KIAA1958: variants seen among roughly 807,000 people sequenced by gnomAD.
KIAA1958 encodes KIAA1958.
KIAA1958 carries 14 observed loss-of-function variants against 47.2 expected under a neutral mutation model. The ratio of observed to expected loss-of-function variants is 0.30; its 90% CI spans 0.20 to 0.46. KIAA1958 has a LOEUF of 0.46. KIAA1958 is among the 20% of genes least tolerant of loss of function. The probability of loss-of-function intolerance (pLI) is 1.00; values close to 1 mark genes in which losing one functional copy is unlikely to be tolerated. For missense variants in KIAA1958, 803 were observed against 909.2 expected (o/e 0.88, Z 1.50); for synonymous variants, 354 against 353.3 (o/e 1.00, Z -0.02).
intron 2 of KIAA1958, chr9:112,617,945 C>T (rs1225430460): frequency 2.6e-6 from 4 of 1,550,556 alleles, no homozygotes; most frequent in Admixed American, 2.0e-5. Context: ...GACCGCGCTC[C>T]GCAATTTCCG....
chr9:112,592,582 G>A (rs144898864), intron 2 of KIAA1958, among the ~76,000 whole-genome samples: 4 of 152,310 alleles, frequency 2.6e-5, no homozygotes, highest in African/African-American at 4.8e-5. Flanking sequence ...TGCCTGATAC[G>A]TAGTCAGTGA....
chr9:112,554,299 A>C (rs1835205005), intron 1 of KIAA1958, among the ~76,000 whole-genome samples: 1 of 152,082 alleles, frequency 6.6e-6, no homozygotes, highest in Admixed American at 6.5e-5. Context: ...GGAGTTTGAG[A>C]CCAGCCTGAC....
chr9:112,517,018 CAG>C lies in KIAA1958; in HGVS notation c.-25+29901_-25+29902del, dbSNP rs758552499. On this transcript the variant is annotated intron_variant, in intron 1 of 3. Transcript: ENST00000337530. ...TGGTTGCCTTTGATTGGCTGAAACT[CAG>C]TGATTGGTATAAGAGTGTGTTACAG... is the stretch of plus-strand genomic sequence containing the variant. Among the ~76,000 whole-genome samples the C allele has an allele frequency of 1.6e-4, 25 of 152,292 alleles. No individual in the cohort carries two copies. In the East Asian group the frequency reaches 4.8e-3, roughly 29 times the overall value.
chr9:112,535,944 A>G (rs1218719267), intron 1 of KIAA1958, among the ~76,000 whole-genome samples: 2 of 152,068 alleles, frequency 1.3e-5, no homozygotes, highest in African/African-American at 4.8e-5. Flanking sequence ...CTTTTTCTTC[A>G]TGGCTCTGGT....
intron 1 of KIAA1958, among the ~76,000 whole-genome samples, chr9:112,551,343 C>T (rs1835146441): frequency 6.6e-6 from 1 of 152,158 alleles, no homozygotes; most frequent in Non-Finnish European, 1.5e-5. Context: ...GCCCCAGGCA[C>T]CTCATATGTA....
intron 1 of KIAA1958, among the ~76,000 whole-genome samples, chr9:112,528,210 C>T (rs1834694063): frequency 6.6e-6 from 1 of 152,176 alleles, no homozygotes; most frequent in East Asian, 1.9e-4. Context: ...TCTAAAAAGC[C>T]TCCAACTTGA....
intron 3 of KIAA1958, among the ~76,000 whole-genome samples, chr9:112,649,449 A>G (rs575729681): frequency 8.5e-4 from 130 of 152,196 alleles, no homozygotes; most frequent in African/African-American, 3.1e-3. Context: ...ATGAGCCACC[A>G]TACCCCACCT....
intron 2 of KIAA1958, among the ~76,000 whole-genome samples, chr9:112,590,162 G>A (rs1415332157): frequency 6.6e-6 from 1 of 152,134 alleles, no homozygotes; most frequent in Non-Finnish European, 1.5e-5. Context: ...GAGACCTACT[G>A]AATCAAAATC....
intron 1 of KIAA1958, among the ~76,000 whole-genome samples, chr9:112,540,951 C>G (rs1834930268): frequency 6.6e-6 from 1 of 152,046 alleles, no homozygotes; most frequent in Non-Finnish European, 1.5e-5. Flanking sequence ...GAACTCCTGG[C>G]TCAAGCGGTT....
chr9:112,555,021 T>A (rs1414351005), intron 1 of KIAA1958, among the ~76,000 whole-genome samples: 1 of 152,200 alleles, frequency 6.6e-6, no homozygotes, highest in East Asian at 1.9e-4. Flanking sequence ...GGAAAAAGAT[T>A]GAATCAGATT....
intron 2 of KIAA1958, chr9:112,581,901 A>G (rs913767914): frequency 7.8e-5 from 18 of 231,028 alleles, no homozygotes; most frequent in Middle Eastern, 5.0e-4. Context: ...GACCAGACTC[A>G]ACTCTTCCCT....
chr9:112,602,120 G>T (rs1310564119), intron 2 of KIAA1958, among the ~76,000 whole-genome samples: 1 of 152,082 alleles, frequency 6.6e-6, no homozygotes, highest in Non-Finnish European at 1.5e-5. Context: ...GGAGTTGGGT[G>T]TTTAAAAAAG....
At chr9:112,528,797 G>A (rs558048730) in intron 1 of KIAA1958, among the ~76,000 whole-genome samples, 1 of 152,314 alleles carries the variant, frequency 6.6e-6, no homozygotes, top group South Asian at 2.1e-4. Flanking sequence ...GGGATCACAG[G>A]TGTGAGCTAC....
Position 112,668,764 on chromosome 9 carries a change from G to A in KIAA1958, c.*8695G>A, listed in dbSNP as rs1837383499. 6.6e-6 allele frequency: 1 copy of A among 152,192 alleles called. No homozygotes were observed. Among genetic ancestry groups the A allele is most frequent in the African/African-American group, 2.4e-5 (1 of 41,446 alleles). 9.4% of individuals were successfully genotyped at this position (152,192 alleles called of 1,614,324 possible). A position where few individuals can be genotyped will look rare whatever the true frequency, so the allele number is the denominator to read the frequency against. On this transcript the variant is annotated 3_prime_UTR_variant, in exon 4 of 4. Coordinates refer to ENST00000337530, the MANE Select transcript of KIAA1958 (RefSeq NM_133465.4). Reference sequence around the variant, plus strand: ...CCTTAGTTTTTCATTCTGAAACAGAGCAAAACATCTTCCCAAAGAGATGGA... The same window carrying A: ...CCTTAGTTTTTCATTCTGAAACAGAACAAAACATCTTCCCAAAGAGATGGA...
chr9:112,518,548 G>C, intron 1 of KIAA1958, among the ~76,000 whole-genome samples: 1 of 152,286 alleles, frequency 6.6e-6, no homozygotes, highest in South Asian at 2.1e-4. Context: ...ATGAGTGTTT[G>C]CCTTAAGAGT....
intron 1 of KIAA1958, among the ~76,000 whole-genome samples, chr9:112,512,553 ATAAT>A (rs1302814550): frequency 3.4e-4 from 52 of 152,240 alleles, no homozygotes; most frequent in African/African-American, 1.1e-3. Context: ...TTCATGTTTA[ATAAT>A]TTAAGACTGA....
intron 1 of KIAA1958, among the ~76,000 whole-genome samples, chr9:112,569,893 G>T (rs1345508239): frequency 6.6e-6 from 1 of 152,028 alleles, no homozygotes; most frequent in Non-Finnish European, 1.5e-5. Flanking sequence ...CAAAGTGCTG[G>T]GATTACAGGT....
intron 2 of KIAA1958, among the ~76,000 whole-genome samples, chr9:112,588,299 A>G (rs1835864281): frequency 6.6e-6 from 1 of 152,160 alleles, no homozygotes; most frequent in East Asian, 1.9e-4. Flanking sequence ...GATGAGTTTC[A>G]CAAGCTCTGG....
Position 112,659,571 on chromosome 9 carries a change from C to T in KIAA1958, c.1653C>T (p.Ser551=), listed in dbSNP as rs1588057564. ...MWQAGCLGDD[S]PITLLSTVVK... ...AGGCAGGGTGTCTGGGGGATGACAG[C>T]CCTATCACTCTCCTGTCCACTGTGG... The change falls in exon 4 of 4, where the codon AGC becomes AGT. Residue 551 remains serine (S), a synonymous_variant. Coordinates refer to ENST00000337530, the MANE Select transcript of KIAA1958 (RefSeq NM_133465.4). The T allele has an allele frequency of 6.2e-7, 1 of 1,613,138 alleles. No homozygotes were observed. The highest frequency in any genetic ancestry group is 1.1e-5 in the South Asian group (1 of 90,896).
Sources: allele counts gnomAD v4.1 joint callset (sites outside exome capture counted in the v4.1 genomes callset), GRCh38; gene constraint gnomAD v4.1.1; transcripts MANE v1.5; gene names NCBI Gene and HGNC (gene_info 2026-07-23, HGNC 2026-07-21).